The following IQUB variants were observed in gnomAD, a reference collection of about 807,000 sequenced individuals.
IQUB encodes IQ motif and ubiquitin domain containing, also known as IQ motif and ubiquitin-like domain-containing protein.
A neutral mutation model predicts 86.4 loss-of-function variants in IQUB; 86 were observed. That is an observed-to-expected ratio of 1.00 (90% confidence interval 0.84 to 1.19). The LOEUF is 1.19. IQUB is among the 50% of genes most tolerant of loss of function. IQUB has a pLI of 0.00. For missense variants in IQUB, 946 were observed against 916.9 expected (o/e 1.03, Z -0.41); for synonymous variants, 289 against 304.5 (o/e 0.95, Z 0.53).
chr7:123,494,193 G>C (rs1282481170), intron 7 of IQUB, among the ~76,000 whole-genome samples: 1 of 151,900 alleles, frequency 6.6e-6, no homozygotes, highest in Non-Finnish European at 1.5e-5. Flanking sequence ...GCTATAAAAA[G>C]ACATGAAAAT....
At chr7:123,513,897 C>A (rs908359433) in intron 1 of IQUB, among the ~76,000 whole-genome samples, 6 of 152,154 alleles carry the variant, frequency 3.9e-5, no homozygotes, top group African/African-American at 1.4e-4. Flanking sequence ...GATTCATCTG[C>A]CTCAGCCTCC....
intron 10 of IQUB, 126 bp downstream of exon 10, chr7:123,464,707 A>G: frequency 1.9e-6 from 1 of 528,940 alleles, no homozygotes; most frequent in Non-Finnish European, 3.3e-6. Flanking sequence ...AGGAGATACT[A>G]CCAATAAGAT....
At chr7:123,492,607 T>G (rs186476680) in intron 7 of IQUB, among the ~76,000 whole-genome samples, 30 of 152,294 alleles carry the variant, frequency 2.0e-4, no homozygotes, top group African/African-American at 7.0e-4. Context: ...AATGGAAACC[T>G]GCCTGAGCGG....
intron 7 of IQUB, 84 bp from the exon 8 acceptor site, chr7:123,480,054 TA>T (rs1794935027): frequency 9.7e-7 from 1 of 1,032,118 alleles, no homozygotes; most frequent in Admixed American, 2.7e-5. Context: ...ATTTTATTTT[TA>T]CATCAATTTA....
chr7:123,492,791 G>A (rs1264913898), intron 7 of IQUB, among the ~76,000 whole-genome samples: 1 of 152,068 alleles, frequency 6.6e-6, no homozygotes, highest in African/African-American at 2.4e-5. Context: ...TGAGGATCTT[G>A]AGCTGAACCG....
intron 1 of IQUB, among the ~76,000 whole-genome samples, chr7:123,523,120 T>G (rs1184038873): frequency 2.0e-5 from 3 of 151,930 alleles, no homozygotes; most frequent in African/African-American, 7.3e-5. Context: ...ACATTTGGGT[T>G]GGTTCCAGGT....
intron 10 of IQUB, among the ~76,000 whole-genome samples, chr7:123,463,307 A>G (rs1005281217): frequency 2.6e-5 from 4 of 151,778 alleles, no homozygotes; most frequent in African/African-American, 9.7e-5. Flanking sequence ...CCCCAAAACA[A>G]TCAATTTACC....
intron 7 of IQUB, among the ~76,000 whole-genome samples, chr7:123,496,245 T>G (rs1358915563): frequency 2.6e-5 from 4 of 151,980 alleles, no homozygotes; most frequent in Non-Finnish European, 5.9e-5. Flanking sequence ...GAATATACAT[T>G]TATATAGTAT....
intron 8 of IQUB, among the ~76,000 whole-genome samples, chr7:123,476,542 G>A (rs1794751054): frequency 6.6e-6 from 1 of 152,040 alleles, no homozygotes; most frequent in Admixed American, 6.6e-5. Context: ...AGGAAGGACA[G>A]GGTCAGAGTT....
intron 10 of IQUB, chr7:123,462,901 C>A: frequency 2.2e-6 from 1 of 450,210 alleles, no homozygotes. Flanking sequence ...TCCATTTAAG[C>A]TACAGAATTA....
intron 8 of IQUB, among the ~76,000 whole-genome samples, chr7:123,477,610 G>C (rs561399112): frequency 3.9e-5 from 6 of 152,128 alleles, no homozygotes; most frequent in Non-Finnish European, 7.3e-5. Context: ...TTAAACTAAA[G>C]AGCTTCTGCA....
intron 1 of IQUB, among the ~76,000 whole-genome samples, chr7:123,529,165 A>G (rs187262758): frequency 1.1e-3 from 172 of 152,346 alleles, no homozygotes; most frequent in Admixed American, 0.01. Flanking sequence ...TATTTCAGAC[A>G]TGCTAATTTT....
intron 8 of IQUB, among the ~76,000 whole-genome samples, chr7:123,472,113 C>G (rs1344759169): frequency 6.6e-6 from 1 of 151,858 alleles, no homozygotes; most frequent in Non-Finnish European, 1.5e-5. Flanking sequence ...TGGCACTCAC[C>G]TGTAATCCCA....
intron 8 of IQUB, among the ~76,000 whole-genome samples, chr7:123,476,854 G>A (rs2117056846): frequency 6.6e-6 from 1 of 151,790 alleles, no homozygotes; most frequent in Admixed American, 6.6e-5. Flanking sequence ...AAAGAATTAA[G>A]GAGGTATTAG....
In IQUB at chr7:123,502,984, C is replaced by G. The variant is rs1388500153; in HGVS notation, c.827G>C (p.Arg276Thr). ...AAATATACTGAGTCTTTCGGGAATC[C>G]TTTTAGGTACAGTTTGTGTTCCAGC... is the stretch of plus-strand genomic sequence containing the variant. ...HNAGTQTVPK[R>T]IPERLSIFCR... The change falls in exon 5 of 13, where the codon AGG (arginine) becomes ACG (threonine). Residue 276 changes from arginine (R) to threonine (T), a missense_variant. Transcript: ENST00000324698. 6 of 1,612,384 alleles carry G rather than the reference C, an allele frequency of 3.7e-6. No individual in the cohort carries two copies. The highest frequency in any genetic ancestry group is 4.2e-6 in the Non-Finnish European group (5 of 1,179,434).
chr7:123,479,773 A>C, intron 8 of IQUB, 22 bp downstream of exon 8: 1 of 1,561,982 alleles, frequency 6.4e-7, no homozygotes. Context: ...ATTCATATTT[A>C]AATAGTAGTC....
At position 123,468,908 on chromosome 7, in the gene IQUB, C is replaced by A. The variant is rs1010835289; in HGVS notation, c.1581+306G>T. ...GTGCTGCTTTAAAACTGCTAAAAAT[C>A]AATTTTTCACTGAAAAATGTCAAAA... On this transcript the variant is annotated intron_variant, in intron 9 of 12. Coordinates refer to ENST00000324698, the MANE Select transcript of IQUB (RefSeq NM_178827.5). Among the ~76,000 whole-genome samples the A allele has an allele frequency of 4.6e-5, 7 of 152,104 alleles. No homozygotes were observed. The East Asian group carries it at 1.3e-3, about 29-fold the overall frequency.
chr7:123,497,020 G>A (rs1016466051), intron 6 of IQUB, 114 bp from the exon 7 acceptor site: 1 of 636,522 alleles, frequency 1.6e-6, no homozygotes, highest in South Asian at 2.2e-5. Flanking sequence ...ACTGAGTCTA[G>A]TTTTAGCTCC....
chr7:123,502,681 T>G lies in IQUB; in HGVS notation c.939A>C (p.Val313=), dbSNP rs73437462. 7 of 1,610,584 alleles carry G rather than the reference T, an allele frequency of 4.3e-6. No homozygotes were observed. In the Admixed American group the frequency reaches 8.4e-5, roughly 19 times the overall value. Residue 313 remains valine, a synonymous_variant, in exon 6 of 13, where the codon GTA becomes GTC. Coordinates refer to ENST00000324698, the MANE Select transcript of IQUB (RefSeq NM_178827.5). ...GTTTATCAGTCATATTTGATACATA[T>G]ACACCAATGTTAGTCATCTGTGTGG... ...TTSTQMTNIG[V]YVSNMTDKLV...
Sources: gnomAD v4.1 joint callset for allele counts (sites outside exome capture counted in the v4.1 genomes callset) on GRCh38, gnomAD v4.1.1 for gene constraint, MANE v1.5 for transcripts, NCBI Gene and HGNC (gene_info 2026-07-23, HGNC 2026-07-21) for gene names.